The following HSD17B12 variants were observed in gnomAD, a reference collection of about 807,000 sequenced individuals.
HSD17B12 encodes hydroxysteroid 17-beta dehydrogenase 12.
Under a neutral mutation model 39.3 loss-of-function variants are expected in HSD17B12, and 32 were observed. The ratio of observed to expected loss-of-function variants is 0.81; its 90% CI spans 0.61 to 1.09. The LOEUF (loss-of-function observed/expected upper bound fraction) is 1.09, where lower values mean the gene tolerates loss of function less well. Ranked by LOEUF, HSD17B12 falls within the 50% of genes least tolerant of loss-of-function variation. HSD17B12 has a pLI of 0.00. For synonymous variants in HSD17B12, 150 were observed against 146.7 expected, an observed-to-expected ratio of 1.02 and a Z score of -0.16; for missense variants, 342 against 382.9, an observed-to-expected ratio of 0.89 and a Z score of 0.89.
chr11:43,591,157 A>G, the HSD17B12 span, among the ~76,000 whole-genome samples: 40 of 152,314 alleles, frequency 2.6e-4, no homozygotes, highest in African/African-American at 9.6e-4. Flanking sequence ...ATAGGTAATG[A>G]AGCACAGAAA....
chr11:43,657,158 G>A, the HSD17B12 span, among the ~76,000 whole-genome samples: 1 of 152,122 alleles, frequency 6.6e-6, no homozygotes, highest in Non-Finnish European at 1.5e-5. Context: ...TTATGTAATG[G>A]CCTTCTTTGT....
At position 43,682,030 on chromosome 11, in the gene HSD17B12, T is replaced by C. The variant is rs116966863; in HGVS notation, c.160+1043T>C. ...TATTGAATTTTGGGGTGGTTAGGCATTGCCTGCAGACTGGGCTCAGGTAAG... is the reference window on the plus strand; with the variant it reads ...TATTGAATTTTGGGGTGGTTAGGCACTGCCTGCAGACTGGGCTCAGGTAAG... On this transcript the variant is annotated intron_variant, in intron 1 of 10. Transcript: ENST00000278353. 7.7e-4 allele frequency among the ~76,000 whole-genome samples: 117 copies of C among 152,290 alleles called. 2 individuals are homozygous for C. In the East Asian group the frequency reaches 0.021, roughly 27 times the overall value.
chr11:43,698,534 G>A (rs931651626), intron 1 of HSD17B12, among the ~76,000 whole-genome samples: 3 of 152,332 alleles, frequency 2.0e-5, no homozygotes, highest in Admixed American at 6.5e-5. Flanking sequence ...TGGGCAGAAA[G>A]TATAGTGGAA....
intron 3 of HSD17B12, among the ~76,000 whole-genome samples, chr11:43,759,518 A>G (rs991082496): frequency 2.6e-5 from 4 of 152,168 alleles, no homozygotes; most frequent in Non-Finnish European, 5.9e-5. Flanking sequence ...GATTATTCAT[A>G]TATTAAATAT....
chr11:43,590,807 CTTTT>C, the HSD17B12 span, among the ~76,000 whole-genome samples: 16 of 125,418 alleles, frequency 1.3e-4, no homozygotes, highest in East Asian at 2.2e-4. Flanking sequence ...CCCAGCTCGA[CTTTT>C]TTTTTTTTTT....
intron 9 of HSD17B12, among the ~76,000 whole-genome samples, 199 bp downstream of exon 9, chr11:43,840,263 T>C (rs963769435): frequency 6.6e-6 from 1 of 152,162 alleles, no homozygotes; most frequent in African/African-American, 2.4e-5. Context: ...AATTTTCAAG[T>C]AGGGATACCT....
chr11:43,775,591 T>TTTTA (rs758178101), intron 3 of HSD17B12, among the ~76,000 whole-genome samples: 30 of 152,026 alleles, frequency 2.0e-4, no homozygotes, highest in East Asian at 1.2e-3. Context: ...TTTATTTCTT[T>TTTTA]TTTATTTATT....
intron 1 of HSD17B12, among the ~76,000 whole-genome samples, chr11:43,682,544 C>CAAA (rs55938101): frequency 1.7e-5 from 2 of 118,442 alleles, no homozygotes; most frequent in African/African-American, 6.4e-5. Flanking sequence ...AGACTCATCT[C>CAAA]AAAAAAAAAA....
chr11:43,793,712 A>G (rs774445469), intron 3 of HSD17B12, among the ~76,000 whole-genome samples: 2 of 152,196 alleles, frequency 1.3e-5, no homozygotes, highest in Non-Finnish European at 2.9e-5. Flanking sequence ...TTGAGGGTTC[A>G]GTTCCTTTTC....
the HSD17B12 span, among the ~76,000 whole-genome samples, chr11:43,566,768 T>C: frequency 6.6e-6 from 1 of 152,208 alleles, no homozygotes; most frequent in Non-Finnish European, 1.5e-5. Flanking sequence ...GACCTCATGA[T>C]CCACCTGCCT....
chr11:43,629,740 G>T, the HSD17B12 span, among the ~76,000 whole-genome samples: 9 of 152,196 alleles, frequency 5.9e-5, no homozygotes, highest in African/African-American at 2.2e-4. Context: ...AGCCCACCGG[G>T]TTGGACTTCC....
At chr11:43,742,139 A>ATATATATATTT (rs61178234) in intron 1 of HSD17B12, among the ~76,000 whole-genome samples, 2 of 123,510 alleles carry the variant, frequency 1.6e-5, no homozygotes, top group African/African-American at 6.1e-5. Flanking sequence ...ATATATATAT[A>ATATATATATTT]TTTTTTTTTT....
chr11:43,582,458 G>A, the HSD17B12 span, among the ~76,000 whole-genome samples: 1 of 152,156 alleles, frequency 6.6e-6, no homozygotes, highest in Non-Finnish European at 1.5e-5. Flanking sequence ...CGCGCCCTTC[G>A]CCTGCTAGGA....
At chr11:43,634,522 T>A in the HSD17B12 span, among the ~76,000 whole-genome samples, 1 of 152,238 alleles carries the variant, frequency 6.6e-6, no homozygotes, top group Non-Finnish European at 1.5e-5. Context: ...TTGGTTTACA[T>A]AGACCAGTAC....
intron 1 of HSD17B12, among the ~76,000 whole-genome samples, chr11:43,728,539 T>A (rs1368899366): frequency 6.6e-6 from 1 of 152,116 alleles, no homozygotes; most frequent in Non-Finnish European, 1.5e-5. Flanking sequence ...CCATCAACTT[T>A]TTGGTCTGTG....
chr11:43,619,260 TTTA>T, the HSD17B12 span, among the ~76,000 whole-genome samples: 3,358 of 91,640 alleles, frequency 0.037, 218 homozygotes, highest in African/African-American at 0.12. Flanking sequence ...ATATATATAT[TTTA>T]TATATATATG....
the HSD17B12 span, among the ~76,000 whole-genome samples, chr11:43,675,370 G>A: frequency 6.6e-6 from 1 of 152,122 alleles, no homozygotes; most frequent in Non-Finnish European, 1.5e-5. Flanking sequence ...AAGATAGTAA[G>A]AGGTTCCAGG....
At chr11:43,602,088 C>T in the HSD17B12 span, among the ~76,000 whole-genome samples, 7 of 152,224 alleles carry the variant, frequency 4.6e-5, no homozygotes, top group African/African-American at 1.7e-4. Context: ...TGAGGCAATG[C>T]TATTCTTCCC....
chr11:43,841,937 C>A (rs1951430470), intron 9 of HSD17B12, among the ~76,000 whole-genome samples: 1 of 152,184 alleles, frequency 6.6e-6, no homozygotes. Context: ...CATTTCACTG[C>A]ATCTCATAAC....
Sources: allele counts gnomAD v4.1 joint callset (sites outside exome capture counted in the v4.1 genomes callset), GRCh38; gene constraint gnomAD v4.1.1; transcripts MANE v1.5; gene names NCBI Gene and HGNC (gene_info 2026-07-23, HGNC 2026-07-21).